GATA6: variants seen among roughly 807,000 people sequenced by gnomAD.
The protein encoded by GATA6 is transcription factor GATA-6.
GATA6 carries 11 observed loss-of-function variants against 48.1 expected under a neutral mutation model. The observed-to-expected ratio is 0.23, with a 90% CI of 0.14 to 0.38. The LOEUF (loss-of-function observed/expected upper bound fraction) is 0.38, where lower values mean the gene tolerates loss of function less well. GATA6 is among the 10% of genes least tolerant of loss of function. The pLI is 1.00. For missense variants in GATA6, 795 were observed against 850.3 expected (o/e 0.93, Z 0.81); for synonymous variants, 419 against 396.1 (o/e 1.06, Z -0.69).
At chr18:22,199,822 G>C (rs2033432929) in intron 6 of GATA6, among the ~76,000 whole-genome samples, 1 of 144,268 alleles carries the variant, frequency 6.9e-6, no homozygotes, top group Admixed American at 7.3e-5. Context: ...AGAATCACTT[G>C]AACTCAGGAG....
In GATA6 at chr18:22,175,381, G is replaced by A. The variant is rs149140439; in HGVS notation, c.1136-1574G>A. On this transcript the variant is annotated intron_variant, in intron 2 of 6. Transcript: ENST00000269216. ...GGATTCTTATTGTTCCCAGTCATAG[G>A]ACTGGGTTTTCCAGGGAATGCCCCA... The A allele has an allele frequency of 6.8e-4, 103 of 152,234 alleles. 1 individual carries two copies. The highest frequency in any genetic ancestry group is 2.3e-3 in the African/African-American group (94 of 41,528). 9.4% of individuals were successfully genotyped at this position (152,234 alleles called of 1,614,324 possible).
chr18:22,177,769 T>TG (rs1467612284), intron 3 of GATA6, among the ~76,000 whole-genome samples: 3 of 152,164 alleles, frequency 2.0e-5, no homozygotes, highest in African/African-American at 7.2e-5. Context: ...CTTCTACCTC[T>TG]TATCCTCAGG....
chr18:22,176,724 T>C lies in GATA6; in HGVS notation c.1136-231T>C, dbSNP rs2033125828. ...TTCCAGCACTGTCTCTTTCCCGGAG[T>C]CTCTACTGGGGCGCTCCGGGTGTGC... On this transcript the variant is annotated intron_variant, in intron 2 of 6. Coordinates refer to ENST00000269216, the MANE Select transcript of GATA6 (RefSeq NM_005257.6). 1.6e-5 allele frequency: 8 copies of C among 487,020 alleles called. No individual in the cohort carries two copies. In the Admixed American group the frequency reaches 3.2e-4, roughly 19 times the overall value. The allele number at this position is 487,020 out of a possible 1,614,324, so 30.2% of individuals were successfully genotyped here.
At chr18:22,199,164 G>A (rs1227581909) in intron 6 of GATA6, among the ~76,000 whole-genome samples, 7 of 152,210 alleles carry the variant, frequency 4.6e-5, no homozygotes, top group Admixed American at 4.6e-4. Flanking sequence ...GTTGGAAAAC[G>A]AGTAGAGTTG....
At chr18:22,180,560 T>C (rs921704167) in intron 3 of GATA6, among the ~76,000 whole-genome samples, 1 of 152,104 alleles carries the variant, frequency 6.6e-6, no homozygotes, top group African/African-American at 2.4e-5. Context: ...TCTAAGACAG[T>C]GGCAGCATTA....
chr18:22,178,616 G>A (rs983635860), intron 3 of GATA6, among the ~76,000 whole-genome samples: 3 of 152,194 alleles, frequency 2.0e-5, no homozygotes, highest in African/African-American at 7.2e-5. Flanking sequence ...GAAGCAATTA[G>A]TTTTATGGTT....
intron 6 of GATA6, among the ~76,000 whole-genome samples, chr18:22,187,545 C>T (rs1161351166): frequency 2.0e-5 from 3 of 151,566 alleles, no homozygotes; most frequent in African/African-American, 4.8e-5. Context: ...ATACTAAAAT[C>T]TTTTTTTTCT....
In GATA6 at chr18:22,185,164, T is replaced by C. The variant is rs1038196342; in HGVS notation, c.1620+2121T>C. On this transcript the variant is annotated intron_variant, in intron 6 of 6. Coordinates refer to ENST00000269216, the MANE Select transcript of GATA6 (RefSeq NM_005257.6). The surrounding 1 kb of genome is among the most constrained non-coding windows in gnomAD (Gnocchi z 4.3). ...CCAGTGAAAAGGGCCATGGTCTGGC[T>C]AGAAGAAGGGCCTTGGGAGTTCCAT... 1.1e-4 allele frequency among the ~76,000 whole-genome samples: 17 copies of C among 152,344 alleles called. No individual in the cohort carries two copies. Among genetic ancestry groups the C allele is most frequent in the African/African-American group, 3.8e-4 (16 of 41,580 alleles).
At chr18:22,180,657 G>C (rs1229627682) in intron 3 of GATA6, among the ~76,000 whole-genome samples, 5 of 151,596 alleles carry the variant, frequency 3.3e-5, no homozygotes, top group African/African-American at 1.2e-4. Flanking sequence ...GGTAATTATG[G>C]AATGTATTCA....
At chr18:22,173,898 G>C (rs982890574) in intron 2 of GATA6, among the ~76,000 whole-genome samples, 11 of 152,246 alleles carry the variant, frequency 7.2e-5, no homozygotes, top group African/African-American at 2.4e-4. Flanking sequence ...GCCTCCCAAA[G>C]TACTGGGATT....
At chr18:22,191,785 A>G (rs1476181887) in intron 6 of GATA6, among the ~76,000 whole-genome samples, 1 of 152,252 alleles carries the variant, frequency 6.6e-6, no homozygotes, top group Non-Finnish European at 1.5e-5. Flanking sequence ...GAGCACAAAG[A>G]CATTATTTTA....
At chr18:22,174,277 T>C (rs1200064569) in intron 2 of GATA6, among the ~76,000 whole-genome samples, 1 of 152,188 alleles carries the variant, frequency 6.6e-6, no homozygotes, top group African/African-American at 2.4e-5. Context: ...TTGACACACC[T>C]TAGCCTGATC....
rs773163815 is a variant in GATA6, at chr18:22,171,177, G to A, written c.33G>A (p.Pro11=). 5.6e-6 allele frequency: 9 copies of A among 1,599,892 alleles called. No homozygotes were observed. Among genetic ancestry groups the A allele is most frequent in the African/African-American group, 2.7e-5 (2 of 75,028 alleles). ...TGACTGACGGCGGCTGGTGCTTGCCGAAGCGCTTCGGGGCCGCGGGTGCGG... is the reference window on the plus strand; with the variant it reads ...TGACTGACGGCGGCTGGTGCTTGCCAAAGCGCTTCGGGGCCGCGGGTGCGG... MALTDGGWCL[P]KRFGAAGADA... is the part of the protein sequence containing the mutation. Residue 11 remains proline (P), a synonymous_variant, in exon 2 of 7, where the codon CCG becomes CCA. Coordinates refer to ENST00000269216, the MANE Select transcript of GATA6 (RefSeq NM_005257.6). This position sits in a 1 kb window ranked among gnomAD's most constrained non-coding sequence, Gnocchi z 7.1.
At chr18:22,181,010 G>T (rs2033188369) in intron 3 of GATA6, among the ~76,000 whole-genome samples, 1 of 152,124 alleles carries the variant, frequency 6.6e-6, no homozygotes, top group Non-Finnish European at 1.5e-5. Context: ...TACTTCTGGT[G>T]TGTTTTGAGT....
Position 22,181,479 on chromosome 18 carries a change from C to T in GATA6, c.1329C>T (p.Ser443=), listed in dbSNP as rs768460903. 1.2e-6 allele frequency: 2 copies of T among 1,614,200 alleles called. No individual in the cohort carries two copies. The highest frequency in any genetic ancestry group is 4.5e-5 in the East Asian group (2 of 44,884). Residue 443 remains serine, a synonymous_variant, in exon 4 of 7, where the codon TCC becomes TCT. Transcript: ENST00000269216. ...CTTCATCACGGCGGCTTGGATTGTCCTGTGCCAACTGTCACACCACAACTA... is the reference window on the plus strand; with the variant it reads ...CTTCATCACGGCGGCTTGGATTGTCTTGTGCCAACTGTCACACCACAACTA... ...RVPSSRRLGL[S]CANCHTTTTT...
chr18:22,188,521 G>C (rs1325249159), intron 6 of GATA6, among the ~76,000 whole-genome samples: 2 of 152,174 alleles, frequency 1.3e-5, no homozygotes, highest in Admixed American at 1.3e-4. Context: ...GGAGTGTAGG[G>C]GGTAAGAAGC....
intron 6 of GATA6, among the ~76,000 whole-genome samples, chr18:22,191,702 G>A (rs1168229912): frequency 6.6e-6 from 1 of 152,198 alleles, no homozygotes; most frequent in Non-Finnish European, 1.5e-5. Context: ...TGTTGGCAAT[G>A]TGACAATTCA....
At chr18:22,173,654 T>C (rs1342469870) in intron 2 of GATA6, among the ~76,000 whole-genome samples, 2 of 152,226 alleles carry the variant, frequency 1.3e-5, no homozygotes, top group Non-Finnish European at 2.9e-5. Flanking sequence ...GCTGCAAGAC[T>C]TGGTCTCAAA....
At position 22,181,485 on chromosome 18, in the gene GATA6, C is replaced by T; in HGVS notation, c.1335C>T (p.Ala445=). 1.2e-6 allele frequency: 2 copies of T among 1,614,180 alleles called. No homozygotes were observed. The highest frequency in any genetic ancestry group is 2.2e-5 in the East Asian group (1 of 44,880). The change falls in exon 4 of 7, where the codon GCC becomes GCT. Residue 445 remains alanine (A), a synonymous_variant. Transcript: ENST00000269216. ...CACGGCGGCTTGGATTGTCCTGTGC[C>T]AACTGTCACACCACAACTACCACCT... ...PSSRRLGLSC[A]NCHTTTTTLW... is the part of the protein sequence containing the mutation.
Sources: gnomAD v4.1 joint callset for allele counts (sites outside exome capture counted in the v4.1 genomes callset) on GRCh38, gnomAD v4.1.1 for gene constraint, Gnocchi (gnomAD v3.1) non-coding constraint, MANE v1.5 for transcripts, NCBI Gene and HGNC (gene_info 2026-07-23, HGNC 2026-07-21) for gene names.